The following GULP1 variants were observed in gnomAD, a reference collection of about 807,000 sequenced individuals.
GULP1 encodes GULP PTB domain containing engulfment adaptor 1, also known as PTB domain-containing engulfment adapter protein 1.
In GULP1, 19 loss-of-function variants were observed where a neutral mutation model predicts 40.9. The ratio of observed to expected loss-of-function variants is 0.46; its 90% CI spans 0.32 to 0.68. GULP1 has a LOEUF of 0.68. GULP1 is among the 30% of genes least tolerant of loss of function. GULP1 has a pLI of 0.03. For synonymous variants in GULP1, 119 were observed against 117.6 expected (o/e 1.01, Z -0.08); for missense variants, 312 against 362.2 (o/e 0.86, Z 1.12).
At chr2:188,359,317 A>G (rs2045782575) in intron 1 of GULP1, among the ~76,000 whole-genome samples, 1 of 152,152 alleles carries the variant, frequency 6.6e-6, no homozygotes, top group Non-Finnish European at 1.5e-5. Context: ...GTAGTCACTG[A>G]TAATTATTTA....
chr2:188,308,113 AT>A (rs71399274), intron 1 of GULP1, among the ~76,000 whole-genome samples: 9,148 of 50,630 alleles, frequency 0.18, 501 homozygotes, highest in East Asian at 0.52. Context: ...CTTTTAGGTC[AT>A]TTTTTTTTTT....
chr2:188,310,037 G>A (rs2037802690), intron 1 of GULP1, among the ~76,000 whole-genome samples: 1 of 152,060 alleles, frequency 6.6e-6, no homozygotes, highest in Non-Finnish European at 1.5e-5. Flanking sequence ...CTATATTTCA[G>A]TTACAATGAG....
At position 188,416,692 on chromosome 2, in the gene GULP1, G is replaced by A. The variant is rs571731043; in HGVS notation, c.-45+32803G>A. On this transcript the variant is annotated intron_variant, in intron 2 of 11. Transcript: ENST00000409830. ...GTGGTCTTTGTGTCCTCCATCCTGA[G>A]AAAGGAGACTGTCTGTGATAATTTA... Among the ~76,000 whole-genome samples the A allele has an allele frequency of 5.3e-5, 8 of 152,266 alleles. No homozygotes were observed. In the East Asian group the frequency reaches 1.5e-3, roughly 29 times the overall value.
intron 2 of GULP1, among the ~76,000 whole-genome samples, chr2:188,419,714 G>A (rs763518129): frequency 2.6e-5 from 4 of 151,994 alleles, no homozygotes; most frequent in Non-Finnish European, 4.4e-5. Flanking sequence ...TTAGTTTGAT[G>A]TAGTCCCACA....
At chr2:188,447,688 A>ATGC in intron 2 of GULP1, among the ~76,000 whole-genome samples, 1 of 152,292 alleles carries the variant, frequency 6.6e-6, no homozygotes, top group African/African-American at 2.4e-5. Context: ...AATAAATGAG[A>ATGC]TGCTACATAG....
chr2:188,370,801 G>A (rs1163080956), intron 1 of GULP1, among the ~76,000 whole-genome samples: 5 of 152,124 alleles, frequency 3.3e-5, no homozygotes, highest in African/African-American at 1.2e-4. Context: ...TTAAATTTGA[G>A]GGGGGATTGT....
intron 2 of GULP1, among the ~76,000 whole-genome samples, chr2:188,396,409 G>A (rs1052416498): frequency 6.6e-6 from 1 of 152,208 alleles, no homozygotes; most frequent in African/African-American, 2.4e-5. Context: ...GAGCACAGCT[G>A]CCTCAGCTGT....
chr2:188,511,393 C>T (rs2064524989), intron 4 of GULP1, among the ~76,000 whole-genome samples: 1 of 152,142 alleles, frequency 6.6e-6, no homozygotes, highest in Non-Finnish European at 1.5e-5. Context: ...AATTGTGAAG[C>T]TTGCCTGGCT....
intron 1 of GULP1, among the ~76,000 whole-genome samples, chr2:188,314,141 A>G (rs1305159856): frequency 6.7e-6 from 1 of 149,526 alleles, no homozygotes; most frequent in Non-Finnish European, 1.5e-5. Flanking sequence ...TGAATTTTCT[A>G]TATTTTCTAT....
chr2:188,572,990 C>A (rs1699392059), intron 9 of GULP1, among the ~76,000 whole-genome samples: 1 of 151,960 alleles, frequency 6.6e-6, no homozygotes, highest in African/African-American at 2.4e-5. Context: ...TGAAAATTGC[C>A]AAGAGTAGTT....
intron 7 of GULP1, among the ~76,000 whole-genome samples, chr2:188,550,373 T>C (rs1432691084): frequency 6.6e-6 from 1 of 151,684 alleles, no homozygotes; most frequent in Non-Finnish European, 1.5e-5. Context: ...TGATTTTTAT[T>C]ATAAATTAAA....
At chr2:188,450,953 A>C (rs1030174643) in intron 2 of GULP1, among the ~76,000 whole-genome samples, 1 of 152,182 alleles carries the variant, frequency 6.6e-6, no homozygotes, top group Non-Finnish European at 1.5e-5. Context: ...CTGCCAAGCA[A>C]GTAGGAAGTT....
chr2:188,384,883 G>A (rs1320595779), intron 2 of GULP1, among the ~76,000 whole-genome samples: 1 of 152,210 alleles, frequency 6.6e-6, no homozygotes, highest in African/African-American at 2.4e-5. Flanking sequence ...GATGTAAGAG[G>A]TGAGTTCCCA....
At chr2:188,509,314 A>C (rs2064260410) in intron 4 of GULP1, among the ~76,000 whole-genome samples, 1 of 152,062 alleles carries the variant, frequency 6.6e-6, no homozygotes, top group Admixed American at 6.6e-5. Context: ...CCTTGTGTTG[A>C]ATCTTTAAAC....
At chr2:188,406,879 G>C (rs1414880557) in intron 2 of GULP1, among the ~76,000 whole-genome samples, 1 of 152,078 alleles carries the variant, frequency 6.6e-6, no homozygotes, top group South Asian at 2.1e-4. Context: ...TAAGCCTGGT[G>C]AGAAATAAAT....
chr2:188,385,214 C>A (rs1366539690), intron 2 of GULP1, among the ~76,000 whole-genome samples: 1 of 152,176 alleles, frequency 6.6e-6, no homozygotes, highest in Non-Finnish European at 1.5e-5. Context: ...CTTCTGAAAT[C>A]TAGGCAGAGG....
chr2:188,574,795 A>G (rs1179468044), intron 9 of GULP1, among the ~76,000 whole-genome samples: 1 of 152,206 alleles, frequency 6.6e-6, no homozygotes, highest in Admixed American at 6.5e-5. Flanking sequence ...ATCGTCTAAT[A>G]ATATATTACA....
intron 3 of GULP1, among the ~76,000 whole-genome samples, chr2:188,478,544 A>T (rs867584096): frequency 2.0e-5 from 3 of 152,140 alleles, no homozygotes; most frequent in Middle Eastern, 3.2e-3. Flanking sequence ...CAAGAAGGTG[A>T]TGATACATGA....
chr2:188,307,342 CAT>C (rs1363180449), intron 1 of GULP1, among the ~76,000 whole-genome samples: 8 of 151,944 alleles, frequency 5.3e-5, no homozygotes, highest in Admixed American at 2.6e-4. Context: ...TCTGTTTTGA[CAT>C]ATCTGCATTA....
Sources: gnomAD v4.1 joint callset for allele counts (sites outside exome capture counted in the v4.1 genomes callset) on GRCh38, gnomAD v4.1.1 for gene constraint, MANE v1.5 for transcripts, NCBI Gene and HGNC (gene_info 2026-07-23, HGNC 2026-07-21) for gene names.